SGMS1: variants seen among roughly 807,000 people sequenced by gnomAD.
The protein encoded by SGMS1 is sphingomyelin synthase 1.
In SGMS1, 13 loss-of-function variants were observed where a neutral mutation model predicts 46.2. The observed-to-expected ratio is 0.28, with a 90% CI of 0.18 to 0.45. The LOEUF (loss-of-function observed/expected upper bound fraction) is 0.45. SGMS1 is among the 20% of genes least tolerant of loss of function. SGMS1 has a pLI of 1.00. For missense variants in SGMS1, 324 were observed against 519.9 expected (o/e 0.62, Z 3.66); for synonymous variants, 203 against 187.8 (o/e 1.08, Z -0.66).
intron 1 of SGMS1, among the ~76,000 whole-genome samples, chr10:50,609,251 A>T (rs1029400248): frequency 6.6e-6 from 1 of 152,172 alleles, no homozygotes; most frequent in Non-Finnish European, 1.5e-5. Context: ...GATTACAGAC[A>T]TGAGCCACCA....
chr10:50,489,593 G>C (rs954915068), intron 3 of SGMS1, among the ~76,000 whole-genome samples: 1 of 152,210 alleles, frequency 6.6e-6, no homozygotes, highest in Non-Finnish European at 1.5e-5. Context: ...CCACGAACTT[G>C]TTCTGCAGTT....
At chr10:50,496,688 C>T (rs1278529805) in intron 3 of SGMS1, among the ~76,000 whole-genome samples, 1 of 152,164 alleles carries the variant, frequency 6.6e-6, no homozygotes, top group Non-Finnish European at 1.5e-5. Context: ...CAGGTGATCC[C>T]ATGGCTTTGG....
At chr10:50,415,820 C>T (rs55773344) in intron 6 of SGMS1, among the ~76,000 whole-genome samples, 28,854 of 152,080 alleles carry the variant, frequency 0.19, 2,950 homozygotes, top group Admixed American at 0.24. Context: ...AATCTAGGTG[C>T]TAACGTAAAT....
At position 50,316,606 on chromosome 10, in the gene SGMS1, A is replaced by G. The variant is rs963299585; in HGVS notation, c.742-5191T>C. ...ACCATGAACAGCCAGACATTTTCTC[A>G]AAGTCCCTCTCTCCCTCCTATTAAG... On this transcript the variant is annotated intron_variant, in intron 8 of 10. Transcript: ENST00000361781. Among the ~76,000 whole-genome samples, 12 of 152,298 alleles carry G rather than the reference A, an allele frequency of 7.9e-5. No individual in the cohort carries two copies. In the South Asian group the frequency reaches 1.9e-3, roughly 24 times the overall value.
At chr10:50,404,889 GA>G (rs1243107179) in intron 6 of SGMS1, among the ~76,000 whole-genome samples, 1 of 152,124 alleles carries the variant, frequency 6.6e-6, no homozygotes, top group East Asian at 1.9e-4. Context: ...TCATTAAAGT[GA>G]ATAAAGAAGA....
intron 2 of SGMS1, among the ~76,000 whole-genome samples, chr10:50,575,106 T>C (rs1331588079): frequency 6.6e-6 from 1 of 151,612 alleles, no homozygotes; most frequent in Non-Finnish European, 1.5e-5. Flanking sequence ...ACTACATGAT[T>C]ACCAGGGAAC....
chr10:50,322,838 C>CAAAAAAAAA (rs58049533), intron 8 of SGMS1, among the ~76,000 whole-genome samples: 6 of 51,324 alleles, frequency 1.2e-4, no homozygotes, highest in Non-Finnish European at 2.1e-4. Flanking sequence ...GACTCCGTCT[C>CAAAAAAAAA]AAAAAAAAAA....
At chr10:50,587,339 A>C (rs1838493208) in intron 2 of SGMS1, among the ~76,000 whole-genome samples, 1 of 152,246 alleles carries the variant, frequency 6.6e-6, no homozygotes, top group Non-Finnish European at 1.5e-5. Flanking sequence ...TGAATGCATA[A>C]AATATATGTC....
intron 1 of SGMS1, among the ~76,000 whole-genome samples, chr10:50,621,674 T>C (rs933460287): frequency 2.6e-5 from 4 of 152,242 alleles, no homozygotes; most frequent in Non-Finnish European, 1.5e-5. Flanking sequence ...GTTAATGTCT[T>C]TTATTAAAAA....
At chr10:50,354,286 G>A (rs549335844) in intron 6 of SGMS1, among the ~76,000 whole-genome samples, 340 of 152,086 alleles carry the variant, frequency 2.2e-3, no homozygotes, top group African/African-American at 7.8e-3. Context: ...AAATAATGCC[G>A]CATATCCACA....
At chr10:50,483,829 A>C (rs1033813051) in intron 3 of SGMS1, among the ~76,000 whole-genome samples, 2 of 152,206 alleles carry the variant, frequency 1.3e-5, no homozygotes, top group African/African-American at 4.8e-5. Flanking sequence ...GAAACCAAGA[A>C]GTTCTTTGAA....
chr10:50,308,540 G>T (rs550305784), intron 9 of SGMS1, among the ~76,000 whole-genome samples: 1 of 152,166 alleles, frequency 6.6e-6, no homozygotes, highest in South Asian at 2.1e-4. Context: ...TTGGCCCACA[G>T]AGCCTAATAC....
intron 2 of SGMS1, among the ~76,000 whole-genome samples, chr10:50,542,060 C>T (rs1229383498): frequency 1.3e-5 from 2 of 152,128 alleles, no homozygotes; most frequent in Admixed American, 6.5e-5. Flanking sequence ...TCTTAAAATC[C>T]TCCACCAAAG....
chr10:50,433,801 C>T (rs761256085), intron 5 of SGMS1, among the ~76,000 whole-genome samples: 2 of 152,140 alleles, frequency 1.3e-5, no homozygotes, highest in South Asian at 2.1e-4. Context: ...AAATTTTGCC[C>T]TCCATTATGT....
intron 2 of SGMS1, among the ~76,000 whole-genome samples, chr10:50,553,522 C>T (rs1838166509): frequency 6.6e-6 from 1 of 152,058 alleles, no homozygotes. Context: ...AATCTTTCAC[C>T]CCAAGCTACA....
At chr10:50,609,941 C>G (rs1480005272) in intron 1 of SGMS1, among the ~76,000 whole-genome samples, 1 of 152,130 alleles carries the variant, frequency 6.6e-6, no homozygotes, top group Non-Finnish European at 1.5e-5. Context: ...AGCCAAAGCT[C>G]CAGACCTATC....
chr10:50,416,095 TC>T (rs1849165717), intron 6 of SGMS1, among the ~76,000 whole-genome samples: 1 of 152,190 alleles, frequency 6.6e-6, no homozygotes, highest in South Asian at 2.1e-4. Flanking sequence ...AATGCATAAT[TC>T]CTTGAACTTT....
At chr10:50,614,519 A>C (rs1838779406) in intron 1 of SGMS1, among the ~76,000 whole-genome samples, 1 of 152,244 alleles carries the variant, frequency 6.6e-6, no homozygotes, top group Non-Finnish European at 1.5e-5. Context: ...CCAGACCAGC[A>C]GCATGACAGT....
intron 6 of SGMS1, among the ~76,000 whole-genome samples, chr10:50,426,318 C>G (rs1849326081): frequency 6.6e-6 from 1 of 152,190 alleles, no homozygotes; most frequent in African/African-American, 2.4e-5. Flanking sequence ...TAATATGACT[C>G]AGGTCTGCCA....
Sources: gnomAD v4.1 joint callset for allele counts (sites outside exome capture counted in the v4.1 genomes callset) on GRCh38, gnomAD v4.1.1 for gene constraint, MANE v1.5 for transcripts, NCBI Gene and HGNC (gene_info 2026-07-23, HGNC 2026-07-21) for gene names.